The following DOCK7 variants were observed in gnomAD, a reference collection of about 807,000 sequenced individuals.
The protein encoded by DOCK7 is dedicator of cytokinesis 7, also known as dedicator of cytokinesis protein 7.
A neutral mutation model predicts 271.0 loss-of-function variants in DOCK7; 138 were observed. The ratio of observed to expected loss-of-function variants is 0.51; its 90% CI spans 0.44 to 0.59. The LOEUF (loss-of-function observed/expected upper bound fraction) is 0.59, where lower values mean the gene tolerates loss of function less well. DOCK7 is among the 20% of genes least tolerant of loss of function. The pLI, the probability that DOCK7 is intolerant of heterozygous loss-of-function variation, is 0.00. For missense variants in DOCK7, 2,066 were observed against 2,592.4 expected (o/e 0.80, Z 4.41); for synonymous variants, 823 against 876.1 (o/e 0.94, Z 1.07).
intron 1 of DOCK7, among the ~76,000 whole-genome samples, chr1:62,663,350 A>C (rs1658901690): frequency 6.6e-6 from 1 of 152,192 alleles, no homozygotes; most frequent in African/African-American, 2.4e-5. Context: ...CAAGACTGAC[A>C]GACAACCCAT....
chr1:62,618,504 T>TA (rs1652733934), intron 14 of DOCK7, among the ~76,000 whole-genome samples: 1 of 152,102 alleles, frequency 6.6e-6, no homozygotes, highest in Non-Finnish European at 1.5e-5. Flanking sequence ...CTAAAAAAGA[T>TA]AAAGCATGTA....
rs1188959614 is a variant in DOCK7 at position 62,459,964 on chromosome 1, G to A, written c.6213-2259C>T. ...AAAATACAAAAAATTAGCCAGGTGT[G>A]GTGGTGGGTGCCTGTAGTCCCAGCT... is the stretch of plus-strand genomic sequence containing the variant. On this transcript the variant is annotated intron_variant, in intron 48 of 49. Transcript: ENST00000635253. Among the ~76,000 whole-genome samples, 11 of 152,030 alleles carry A rather than the reference G, an allele frequency of 7.2e-5. No individual in the cohort carries two copies. The South Asian group carries it at 1.9e-3, about 26-fold the overall frequency.
chr1:62,553,216 G>C (rs1571514394), intron 21 of DOCK7, among the ~76,000 whole-genome samples: 2 of 145,428 alleles, frequency 1.4e-5, no homozygotes, highest in African/African-American at 5.1e-5. Context: ...TGTATTTTTA[G>C]TAGAGATGAA....
chr1:62,631,462 G>T (rs148349534), intron 10 of DOCK7, 57 bp from the exon 11 acceptor site: 24 of 1,416,730 alleles, frequency 1.7e-5, no homozygotes, highest in African/African-American at 8.7e-5. Context: ...TCAGTTAAAG[G>T]CTATTTCATA....
chr1:62,455,467 A>AATGAG lies in DOCK7; in HGVS notation c.6381-16_6381-12dup. Reference sequence around the variant, plus strand: ...CGACTGAAGGAATCTCTGGGAAAAAAATGAGAGGACATAGTTAGTTAAAGA... The same window carrying AATGAG: ...CGACTGAAGGAATCTCTGGGAAAAAAATGAGATGAGAGGACATAGTTAGTTAAAGA... On this transcript the variant is annotated splice_polypyrimidine_tract_variant and intron_variant, in intron 49 of 49. Transcript: ENST00000635253. The AATGAG allele has an allele frequency of 6.2e-7, 1 of 1,613,314 alleles. No homozygotes were observed. Among genetic ancestry groups the AATGAG allele is most frequent in the South Asian group, 1.1e-5 (1 of 91,046 alleles).
chr1:62,614,564 C>T (rs1000520746), intron 14 of DOCK7, among the ~76,000 whole-genome samples: 8 of 151,922 alleles, frequency 5.3e-5, no homozygotes, highest in Non-Finnish European at 1.2e-4. Flanking sequence ...TCATGCTTTT[C>T]AAACCAATCT....
intron 27 of DOCK7, 52 bp downstream of exon 27, chr1:62,539,489 GAACT>G (rs770284686): frequency 1.2e-5 from 17 of 1,425,206 alleles, no homozygotes; most frequent in African/African-American, 8.6e-5. Flanking sequence ...ACTTTGAAAA[GAACT>G]AACATAGTAT....
Position 62,529,301 on chromosome 1 carries a change from C to T in DOCK7, c.3757G>A (p.Val1253Ile). Residue 1253 changes from valine (V) to isoleucine (I), a missense_variant, in exon 30 of 50, where the codon GTA (valine) becomes ATA (isoleucine). Val to Ile is a conservative substitution (Grantham distance 29, BLOSUM62 3). This residue lies in a region of DOCK7 where 1,414 missense variants were observed against 1,670.4 expected (regional missense o/e 0.85). Coordinates refer to ENST00000635253, the MANE Select transcript of DOCK7 (RefSeq NM_001367561.1). The part of the protein sequence containing the change: ...LPLIGIIMET[V>I]PQLYDFTETH... Reference sequence around the variant, plus strand: ...CCTGTAAAATCATACAGCTGAGGTACAGTTTCCATGATAATACCAATCAGA... The same window carrying T: ...CCTGTAAAATCATACAGCTGAGGTATAGTTTCCATGATAATACCAATCAGA... The T allele has an allele frequency of 6.2e-7, 1 of 1,609,806 alleles. No homozygotes were observed. Among genetic ancestry groups the T allele is most frequent in the Non-Finnish European group, 8.5e-7 (1 of 1,178,768 alleles).
chr1:62,507,736 A>G (rs965487740), intron 35 of DOCK7, among the ~76,000 whole-genome samples: 10 of 152,242 alleles, frequency 6.6e-5, no homozygotes, highest in Non-Finnish European at 1.2e-4. Flanking sequence ...CTAGGCCATC[A>G]AGGGGAAAGA....
intron 4 of DOCK7, among the ~76,000 whole-genome samples, chr1:62,651,679 A>C (rs570841341): frequency 9.2e-5 from 14 of 152,204 alleles, no homozygotes; most frequent in Admixed American, 7.9e-4. Context: ...ATATGGTTAA[A>C]ATACCTTTCA....
At chr1:62,553,475 A>G (rs2149426449) in intron 21 of DOCK7, among the ~76,000 whole-genome samples, 1 of 141,592 alleles carries the variant, frequency 7.1e-6, no homozygotes. Flanking sequence ...GGACTCCTGG[A>G]CTCCCACCTC....
At chr1:62,583,297 G>C in intron 15 of DOCK7, 43 bp from the exon 16 acceptor site, 1 of 1,519,306 alleles carries the variant, frequency 6.6e-7, no homozygotes, top group Non-Finnish European at 9.1e-7. Context: ...TGTAGTAAAT[G>C]CTGGATGTTT....
chr1:62,604,726 GATT>G, intron 14 of DOCK7: 1 of 1,613,140 alleles, frequency 6.2e-7, no homozygotes, highest in Non-Finnish European at 8.5e-7. Flanking sequence ...AGGAGAAGAG[GATT>G]ATCTTGGAAG....
chr1:62,660,523 G>A (rs1658540260), intron 2 of DOCK7, among the ~76,000 whole-genome samples: 2 of 152,168 alleles, frequency 1.3e-5, no homozygotes, highest in Admixed American at 6.5e-5. Flanking sequence ...CTTGTGCATT[G>A]ACGGTGGAAA....
At chr1:62,475,618 G>A in intron 46 of DOCK7, 89 bp downstream of exon 46, 8 of 1,248,738 alleles carry the variant, frequency 6.4e-6, no homozygotes, top group Non-Finnish European at 5.7e-6. Flanking sequence ...TATAAGGGAT[G>A]GTACATATCT....
rs192348972 is a variant in DOCK7 at position 62,472,021 on chromosome 1, A to T, written c.6212+1961T>A. On this transcript the variant is annotated intron_variant, in intron 48 of 49. Coordinates refer to ENST00000635253, the MANE Select transcript of DOCK7 (RefSeq NM_001367561.1). ...ATACTGAATGGTAACACACAAAAAT[A>T]AAAAATGTAGTATTGGCTATAACTC... is the stretch of plus-strand genomic sequence containing the variant. 7.8e-3 allele frequency among the ~76,000 whole-genome samples: 1,101 copies of T among 141,636 alleles called. 22 individuals carry two copies. The highest frequency in any genetic ancestry group is 0.03 in the African/African-American group (1,012 of 33,228). 92.9% of individuals were successfully genotyped at this position (141,636 alleles called of 152,430 possible).
At position 62,509,312 on chromosome 1, in the gene DOCK7, C is replaced by CAAA. The variant is rs71045845; in HGVS notation, c.4380-1257_4380-1255dup. Among the ~76,000 whole-genome samples the CAAA allele has an allele frequency of 8.9e-3, 1,003 of 112,246 alleles. 28 individuals are homozygous for CAAA. The highest frequency in any genetic ancestry group is 0.011 in the Admixed American group (111 of 10,006). 73.6% of individuals were successfully genotyped at this position (112,246 alleles called of 152,430 possible). A position where few individuals can be genotyped will look rare whatever the true frequency, so the allele number is the denominator to read the frequency against. The stretch of plus-strand genomic sequence containing the variant: ...TGAGTGACAGAGTGAGATCTTGTCT[C>CAAA]AAAAAAAAAAAAAAAAAAGAATACA... On this transcript the variant is annotated intron_variant, in intron 34 of 49. Coordinates refer to ENST00000635253, the MANE Select transcript of DOCK7 (RefSeq NM_001367561.1).
intron 14 of DOCK7, among the ~76,000 whole-genome samples, chr1:62,607,057 T>C (rs1295055697): frequency 1.3e-5 from 2 of 152,046 alleles, no homozygotes; most frequent in Non-Finnish European, 1.5e-5. Flanking sequence ...AATACAAAAA[T>C]TAGCCAGGCG....
At chr1:62,565,349 A>G (rs1164180153) in intron 18 of DOCK7, among the ~76,000 whole-genome samples, 5 of 152,100 alleles carry the variant, frequency 3.3e-5, no homozygotes, top group Non-Finnish European at 7.4e-5. Flanking sequence ...GCACACCAAA[A>G]AGCTTATCCA....
Sources: gnomAD v4.1 joint callset for allele counts (sites outside exome capture counted in the v4.1 genomes callset) on GRCh38, gnomAD v4.1.1 for gene constraint, gnomAD v4.1.1 regional missense constraint, MANE v1.5 for transcripts, NCBI Gene and HGNC (gene_info 2026-07-23, HGNC 2026-07-21) for gene names.